Variants in PITPNC1 observed in about 807,000 individuals in gnomAD.
PITPNC1 encodes the protein phosphatidylinositol transfer protein cytoplasmic 1.
PITPNC1 carries 18 observed loss-of-function variants against 44.7 expected under a neutral mutation model. The ratio of observed to expected loss-of-function variants is 0.40; its 90% CI spans 0.28 to 0.60. The LOEUF (loss-of-function observed/expected upper bound fraction) is 0.60, where lower values mean the gene tolerates loss of function less well. PITPNC1 is among the 20% of genes least tolerant of loss of function. PITPNC1 has a pLI of 0.39. For synonymous variants in PITPNC1, 141 were observed against 149.6 expected, an observed-to-expected ratio of 0.94 and a Z score of 0.42; for missense variants, 290 against 418.4, an observed-to-expected ratio of 0.69 and a Z score of 2.68.
chr17:67,609,914 G>T (rs1470709390), intron 5 of PITPNC1, among the ~76,000 whole-genome samples: 4 of 152,016 alleles, frequency 2.6e-5, no homozygotes, highest in Admixed American at 6.6e-5. Flanking sequence ...GGCTACCATG[G>T]CCCTAGTTAA....
Position 67,508,347 on chromosome 17 carries a change from TA to T in PITPNC1, c.49-24452del, listed in dbSNP as rs1033350118. ...TTACGGTTATTTCTTAATGATGTGC[TA>T]AACAAGGGGTGGGTTATTCATGCCT... On this transcript the variant is annotated intron_variant, in intron 1 of 8. Coordinates refer to ENST00000581322, the MANE Select transcript of PITPNC1 (RefSeq NM_012417.4). The surrounding 1 kb of genome is among the most constrained non-coding windows in gnomAD (Gnocchi z 4.2). Among the ~76,000 whole-genome samples the T allele has an allele frequency of 6.6e-6, 1 of 152,236 alleles. No homozygotes were observed. The highest frequency in any genetic ancestry group is 2.4e-5 in the African/African-American group (1 of 41,462).
At chr17:67,489,040 A>G (rs1018042310) in intron 1 of PITPNC1, among the ~76,000 whole-genome samples, 6 of 152,336 alleles carry the variant, frequency 3.9e-5, no homozygotes, top group South Asian at 2.1e-4. Context: ...TATTGTGAAT[A>G]GTACTGCCAT....
At chr17:67,433,901 C>T (rs1258621103) in intron 1 of PITPNC1, among the ~76,000 whole-genome samples, 1 of 151,700 alleles carries the variant, frequency 6.6e-6, no homozygotes, top group Non-Finnish European at 1.5e-5. Flanking sequence ...GACTCTGTCT[C>T]CTCCTCCCCA....
In PITPNC1 at chr17:67,601,085, C is replaced by G. The variant is rs2041533310; in HGVS notation, c.366+22828C>G. Among the ~76,000 whole-genome samples, 3 of 152,250 alleles carry G rather than the reference C, an allele frequency of 2.0e-5. No individual in the cohort carries two copies. The South Asian group carries it at 6.2e-4, about 32-fold the overall frequency. On this transcript the variant is annotated intron_variant, in intron 5 of 8. Coordinates refer to ENST00000581322, the MANE Select transcript of PITPNC1 (RefSeq NM_012417.4). ...GTGTAGTTTGCCCAAGGTCACACAA[C>G]TGGGTGGTGGGATTTCACCCCAAGC...
At chr17:67,395,281 C>T (rs113971266) in intron 1 of PITPNC1, among the ~76,000 whole-genome samples, 4,822 of 151,810 alleles carry the variant, frequency 0.032, 252 homozygotes, top group African/African-American at 0.11. Context: ...GCTAGGACAA[C>T]GGGTCTGCAC....
intron 5 of PITPNC1, among the ~76,000 whole-genome samples, chr17:67,618,966 G>A (rs942906643): frequency 3.3e-5 from 5 of 151,966 alleles, no homozygotes; most frequent in African/African-American, 7.3e-5. Context: ...GGCTGAGGCC[G>A]AAGAATGGCG....
chr17:67,481,491 A>G (rs2039701141), intron 1 of PITPNC1, among the ~76,000 whole-genome samples: 1 of 152,294 alleles, frequency 6.6e-6, no homozygotes, highest in East Asian at 1.9e-4. Context: ...GGTCTCTGCT[A>G]AATTTATTGA....
chr17:67,467,305 C>T (rs915110137), intron 1 of PITPNC1, among the ~76,000 whole-genome samples: 2 of 152,278 alleles, frequency 1.3e-5, no homozygotes, highest in Admixed American at 1.3e-4. Flanking sequence ...CCACCCGCCT[C>T]AGCCTCCCAA....
At chr17:67,628,238 C>T (rs1213437329) in intron 5 of PITPNC1, among the ~76,000 whole-genome samples, 1 of 152,050 alleles carries the variant, frequency 6.6e-6, no homozygotes, top group Non-Finnish European at 1.5e-5. Context: ...GCAGCACATA[C>T]TCCATTCTGC....
chr17:67,617,120 A>G (rs990029729), intron 5 of PITPNC1, among the ~76,000 whole-genome samples: 7 of 152,178 alleles, frequency 4.6e-5, no homozygotes, highest in African/African-American at 1.7e-4. Flanking sequence ...TCATTCATGA[A>G]TATTTGGGAC....
chr17:67,555,213 A>G (rs534806516), intron 4 of PITPNC1, among the ~76,000 whole-genome samples: 1 of 152,090 alleles, frequency 6.6e-6, no homozygotes, highest in Non-Finnish European at 1.5e-5. Context: ...CCTCCTTCCT[A>G]GAGATGTTAG....
At chr17:67,632,037 C>G in intron 5 of PITPNC1, 106 bp from the exon 6 acceptor site, 1 of 686,186 alleles carries the variant, frequency 1.5e-6, no homozygotes, top group Non-Finnish European at 2.7e-6. Context: ...AGCCGGGGGC[C>G]CTGAGACGTG....
At chr17:67,603,821 T>C (rs2041573563) in intron 5 of PITPNC1, among the ~76,000 whole-genome samples, 1 of 151,940 alleles carries the variant, frequency 6.6e-6, no homozygotes, top group Admixed American at 6.6e-5. Flanking sequence ...TCCCAGCTGC[T>C]TGGGAGGCTG....
At chr17:67,689,682 A>G (rs1479458558) in intron 8 of PITPNC1, among the ~76,000 whole-genome samples, 1 of 152,236 alleles carries the variant, frequency 6.6e-6, no homozygotes, top group East Asian at 1.9e-4. Context: ...GCCTTCAAGG[A>G]CGGGAACTTC....
chr17:67,476,740 C>T (rs1284882193), intron 1 of PITPNC1, among the ~76,000 whole-genome samples: 1 of 152,098 alleles, frequency 6.6e-6, no homozygotes, highest in Admixed American at 6.5e-5. Context: ...CCACCTCCAC[C>T]TCCCAAAGTT....
chr17:67,647,581 G>T (rs2042167014), intron 6 of PITPNC1, among the ~76,000 whole-genome samples: 1 of 136,654 alleles, frequency 7.3e-6, no homozygotes, highest in Non-Finnish European at 1.5e-5. Context: ...GCCTCCCAAA[G>T]ATGACAGGTG....
At chr17:67,414,206 C>T (rs1416836989) in intron 1 of PITPNC1, among the ~76,000 whole-genome samples, 1 of 151,680 alleles carries the variant, frequency 6.6e-6, no homozygotes, top group Non-Finnish European at 1.5e-5. Flanking sequence ...TGAAAGAGAA[C>T]ATAGGAGGAG....
chr17:67,678,199 G>A lies in PITPNC1; in HGVS notation c.682+2657G>A, dbSNP rs1478845681. Among the ~76,000 whole-genome samples the A allele has an allele frequency of 4.3e-5, 6 of 140,704 alleles. No homozygotes were observed. In the East Asian group the frequency reaches 6.3e-4, roughly 15 times the overall value. 92.3% of individuals were successfully genotyped at this position (140,704 alleles called of 152,430 possible). A position where few individuals can be genotyped will look rare whatever the true frequency, so the allele number is the denominator to read the frequency against. On this transcript the variant is annotated intron_variant, in intron 8 of 8. Coordinates refer to ENST00000581322, the MANE Select transcript of PITPNC1 (RefSeq NM_012417.4). The stretch of plus-strand genomic sequence containing the variant: ...GCACTGCACTCTAGCCTGGGTGACC[G>A]AACAAGACCTCGTCTCTTTAAAAAA...
At chr17:67,436,908 GTTTTTTTTTTTTTT>G (rs1044625193) in intron 1 of PITPNC1, among the ~76,000 whole-genome samples, 46 of 68,456 alleles carry the variant, frequency 6.7e-4, no homozygotes, top group Non-Finnish European at 7.3e-4. Context: ...AAATAGGGGT[GTTTTTTTTTTTTTT>G]TTTTTTTTTT....
Sources: allele counts gnomAD v4.1 joint callset (sites outside exome capture counted in the v4.1 genomes callset), GRCh38; gene constraint gnomAD v4.1.1; non-coding constraint Gnocchi (gnomAD v3.1); transcripts MANE v1.5; gene names NCBI Gene and HGNC (gene_info 2026-07-23, HGNC 2026-07-21).